The following COL1A2 variants were observed in gnomAD, a reference collection of about 807,000 sequenced individuals.
COL1A2 encodes the protein collagen alpha-2(I) chain.
In COL1A2, 49 loss-of-function variants were observed where a neutral mutation model predicts 174.3. That is an observed-to-expected ratio of 0.28 (90% CI 0.22 to 0.36). The LOEUF is 0.36. Among genes scored for constraint, COL1A2 ranks in the 10% least tolerant of loss-of-function variants. The pLI, the probability that COL1A2 is intolerant of heterozygous loss-of-function variation, is 1.00. For missense variants in COL1A2, 1,438 were observed against 1,822.7 expected (o/e 0.79, Z 3.84); for synonymous variants, 655 against 606.6 (o/e 1.08, Z -1.17).
intron 23 of COL1A2, 56 bp from the exon 24 acceptor site, chr7:94,412,012 G>A (rs991929027): frequency 2.7e-6 from 4 of 1,458,662 alleles, no homozygotes; most frequent in African/African-American, 2.8e-5. Flanking sequence ...GTTAATCTAA[G>A]GCTTGAGTAT....
intron 1 of COL1A2, chr7:94,395,453 A>G: frequency 2.7e-6 from 1 of 368,120 alleles, no homozygotes; most frequent in South Asian, 2.1e-5. Context: ...CCTGCACCCC[A>G]CAGGCCCCAT....
chr7:94,397,109 A>G (rs1791599914), intron 1 of COL1A2, among the ~76,000 whole-genome samples: 1 of 152,196 alleles, frequency 6.6e-6, no homozygotes, highest in African/African-American at 2.4e-5. Flanking sequence ...ACCTAATTTA[A>G]GTGAACTAAT....
rs267601641 is a variant in COL1A2, at chr7:94,400,241, G to A, written c.178G>A (p.Gly60Ser). The A allele has an allele frequency of 6.2e-7, 1 of 1,612,914 alleles. No individual in the cohort carries two copies. The part of the protein sequence containing the change: ...PGRDGEDGPT[G>S]PPGPPGPPGP... ...CAGAGATGGTGAAGATGGTCCCACA[G>A]GCCCTCCTGGTCCACCTGGTCCTCC... The change falls in exon 5 of 52, where the codon GGC (glycine) becomes AGC (serine). Residue 60 changes from glycine to serine, a missense_variant. Around this residue, in one of 3 missense-constraint regions of COL1A2, gnomAD observed 281 missense variants for 310.9 expected, o/e 0.90. Transcript: ENST00000297268.
chr7:94,397,047 T>A (rs561178553), intron 1 of COL1A2, among the ~76,000 whole-genome samples: 1 of 152,200 alleles, frequency 6.6e-6, no homozygotes, highest in African/African-American at 2.4e-5. Context: ...TTTCCATTTA[T>A]ACAAAACTCT....
chr7:94,429,108 C>CTTTTTTTTTTTTT lies in COL1A2; in HGVS notation c.3712-78_3712-66dup, dbSNP rs11380334. On this transcript the variant is annotated intron_variant, in intron 50 of 51. Transcript: ENST00000297268. ...TACTCTTCCTGAGATCTTTTTTTTTCTTTTTTTTTTTTTTCATGTTTGACT... is the reference window on the plus strand; with the variant it reads ...TACTCTTCCTGAGATCTTTTTTTTTCTTTTTTTTTTTTTTTTTTTTTTTTTTTCATGTTTGACT... 8.1e-5 allele frequency: 66 copies of CTTTTTTTTTTTTT among 816,754 alleles called. 1 individual carries two copies. Among genetic ancestry groups the CTTTTTTTTTTTTT allele is most frequent in the African/African-American group, 2.4e-4 (12 of 50,422 alleles). The allele number at this position is 816,754 out of a possible 1,614,324, so 50.6% of individuals were successfully genotyped here. A position where few individuals can be genotyped will look rare whatever the true frequency, so the allele number is the denominator to read the frequency against.
chr7:94,408,572 C>T (rs1008857240), intron 15 of COL1A2, among the ~76,000 whole-genome samples, 192 bp downstream of exon 15: 6 of 152,160 alleles, frequency 3.9e-5, no homozygotes, highest in African/African-American at 7.2e-5. Flanking sequence ...ATGTATAAAG[C>T]AAAATATCCC....
In COL1A2 at chr7:94,419,513, G is replaced by A. The variant is rs781026808; in HGVS notation, c.2041G>A (p.Val681Ile). 21 of 1,613,988 alleles carry A rather than the reference G, an allele frequency of 1.3e-5. No homozygotes were observed. Among genetic ancestry groups the A allele is most frequent in the Non-Finnish European group, 1.8e-5 (21 of 1,180,006 alleles). ...TTGGTACTAGGGTGCTCCTGGTGCT[G>A]TAGGTGCCCCTGGTCCTGCTGGAGC... ...RDGARGAPGA[V>I]GAPGPAGATG... The change falls in exon 34 of 52, where the codon GTA becomes ATA. Residue 681 changes from valine (V) to isoleucine (I), a missense_variant. Physicochemically the swap from Val to Ile is conservative, Grantham distance 29. Around this residue, in one of 3 missense-constraint regions of COL1A2, gnomAD observed 867 missense variants for 1,213.7 expected, o/e 0.71. Transcript: ENST00000297268.
chr7:94,425,353 C>CA (rs1225488101), intron 42 of COL1A2, 129 bp downstream of exon 42: 1 of 916,202 alleles, frequency 1.1e-6, no homozygotes, highest in African/African-American at 1.7e-5. Context: ...ATAGTATCTA[C>CA]ACCTAGTACT....
At chr7:94,422,160 G>A (rs1584327330) in intron 39 of COL1A2, 10 of 441,854 alleles carry the variant, frequency 2.3e-5, no homozygotes, top group South Asian at 1.6e-4. Context: ...TTATTCATGT[G>A]AACACCAGTC....
chr7:94,409,474 T>A (rs1339124695), intron 17 of COL1A2, 54 bp downstream of exon 17: 15 of 1,610,380 alleles, frequency 9.3e-6, no homozygotes, highest in African/African-American at 1.3e-5. Context: ...AAAGGTGGAG[T>A]ATGGGGAAGA....
At chr7:94,395,193 T>C in intron 1 of COL1A2, 92 bp downstream of exon 1, 1 of 1,034,944 alleles carries the variant, frequency 9.7e-7, no homozygotes. Context: ...TAACCTGAAT[T>C]CCAGGTACAC....
chr7:94,405,163 A>G (rs772499313), intron 9 of COL1A2, 36 bp from the exon 10 acceptor site: 1 of 1,611,208 alleles, frequency 6.2e-7, no homozygotes, highest in East Asian at 2.2e-5. Flanking sequence ...ATAGTTTACC[A>G]AGAAGAAGTT....
In COL1A2 at chr7:94,426,342, C is replaced by T. The variant is rs969988395; in HGVS notation, c.2998-81C>T. The T allele has an allele frequency of 1.7e-5, 22 of 1,268,826 alleles. No homozygotes were observed. The Admixed American group carries it at 2.4e-4, about 14-fold the overall frequency. The allele number at this position is 1,268,826 out of a possible 1,614,324, so 78.6% of individuals were successfully genotyped here. On this transcript the variant is annotated intron_variant, in intron 45 of 51. Coordinates refer to ENST00000297268, the MANE Select transcript of COL1A2 (RefSeq NM_000089.4). ...ACATGTCCTGAGTTACCTTTGTAAA[C>T]GAATTAAGCAGTATTTGTGGTGAAG...
At chr7:94,426,976 G>A (rs558641187) in intron 46 of COL1A2, 32 bp from the exon 47 acceptor site, 2 of 1,601,666 alleles carry the variant, frequency 1.2e-6, no homozygotes, top group Non-Finnish European at 1.7e-6. Flanking sequence ...CATGTGCTCT[G>A]AAAGTGTGAT....
intron 34 of COL1A2, among the ~76,000 whole-genome samples, chr7:94,419,919 T>A (rs746524656): frequency 2.2e-4 from 34 of 152,216 alleles, no homozygotes; most frequent in Non-Finnish European, 4.6e-4. Flanking sequence ...AAATAGATCT[T>A]ATTTATTGTA....
intron 1 of COL1A2, among the ~76,000 whole-genome samples, chr7:94,397,064 G>T (rs1227555472): frequency 1.3e-5 from 2 of 151,362 alleles, no homozygotes; most frequent in East Asian, 1.9e-4. Flanking sequence ...CTCTTTCTCC[G>T]AGACAAAAAT....
In COL1A2 at chr7:94,419,479, G is replaced by A. The variant is rs546549922; in HGVS notation, c.2026-19G>A. On this transcript the variant is annotated intron_variant, in intron 33 of 51. Transcript: ENST00000297268. ...ATACGGGGTGTTATTAATAAGACAT[G>A]TTTCCTTTTTGGTACTAGGGTGCTC... is the stretch of plus-strand genomic sequence containing the variant. 1.1e-5 allele frequency: 18 copies of A among 1,613,886 alleles called. No homozygotes were observed. The highest frequency in any genetic ancestry group is 1.5e-5 in the Non-Finnish European group (18 of 1,179,850).
intron 1 of COL1A2, chr7:94,395,307 G>A (rs1309139250): frequency 5.9e-6 from 4 of 679,708 alleles, no homozygotes; most frequent in Non-Finnish European, 1.1e-5. Context: ...AAAAGTTAGG[G>A]AACTTTTCCT....
intron 50 of COL1A2, 65 bp from the exon 51 acceptor site, chr7:94,429,121 TTC>T: frequency 7.9e-6 from 10 of 1,264,216 alleles, no homozygotes; most frequent in Admixed American, 4.5e-5. Context: ...TTTTTTTTTT[TTC>T]ATGTTTGACT....
Sources: gnomAD v4.1 joint callset for allele counts (sites outside exome capture counted in the v4.1 genomes callset) on GRCh38, gnomAD v4.1.1 for gene constraint, gnomAD v4.1.1 regional missense constraint, MANE v1.5 for transcripts, NCBI Gene and HGNC (gene_info 2026-07-23, HGNC 2026-07-21) for gene names.